Variants in CSMD2 observed in about 807,000 individuals in gnomAD.
CSMD2 encodes the protein CUB and sushi domain-containing protein 2.
A neutral mutation model predicts 398.5 loss-of-function variants in CSMD2; 130 were observed. That is an observed-to-expected ratio of 0.33 (90% confidence interval 0.28 to 0.38). The LOEUF is 0.38. Among genes scored for constraint, CSMD2 ranks in the 10% least tolerant of loss-of-function variants. The pLI, the probability that CSMD2 is intolerant of heterozygous loss-of-function variation, is 1.00. For missense variants in CSMD2, 3,829 were observed against 4,764.9 expected (o/e 0.80, Z 5.78); for synonymous variants, 1,828 against 1,908.5 (o/e 0.96, Z 1.10).
intron 12 of CSMD2, among the ~76,000 whole-genome samples, chr1:33,788,229 C>T (rs921022714): frequency 5.9e-5 from 9 of 151,978 alleles, no homozygotes; most frequent in Non-Finnish European, 8.8e-5. Context: ...ATCCCGTGGC[C>T]GGGCATGGTG....
At chr1:33,797,839 C>T (rs1018055497) in intron 10 of CSMD2, among the ~76,000 whole-genome samples, 1 of 152,166 alleles carries the variant, frequency 6.6e-6, no homozygotes, top group African/African-American at 2.4e-5. Flanking sequence ...ACACGGCTCA[C>T]CCAGCCACCT....
At chr1:33,759,882 C>A (rs1341094343) in intron 13 of CSMD2, among the ~76,000 whole-genome samples, 2 of 152,146 alleles carry the variant, frequency 1.3e-5, no homozygotes, top group Non-Finnish European at 2.9e-5. Context: ...TTGTCCCAAG[C>A]AAATAGGGAT....
chr1:34,074,966 TC>T (rs2148311263), intron 2 of CSMD2, among the ~76,000 whole-genome samples: 1 of 152,310 alleles, frequency 6.6e-6, no homozygotes, highest in East Asian at 1.9e-4. Context: ...GAGGTCAGGT[TC>T]CCCAGTCATA....
At chr1:33,590,328 G>A (rs1275644084) in intron 44 of CSMD2, among the ~76,000 whole-genome samples, 2 of 141,470 alleles carry the variant, frequency 1.4e-5, no homozygotes, top group Non-Finnish European at 3.0e-5. Context: ...TGTAGAGATC[G>A]GGTTTCAAGA....
At chr1:33,955,639 T>C (rs148009187) in intron 3 of CSMD2, among the ~76,000 whole-genome samples, 12 of 152,192 alleles carry the variant, frequency 7.9e-5, no homozygotes, top group African/African-American at 2.4e-4. Context: ...AAAGTACCTA[T>C]ATTGTAGGGT....
At chr1:34,145,213 C>G (rs1449866725) in intron 1 of CSMD2, among the ~76,000 whole-genome samples, 1 of 152,190 alleles carries the variant, frequency 6.6e-6, no homozygotes, top group Non-Finnish European at 1.5e-5. Context: ...ATGCCTTTTC[C>G]CAGGGCCAAA....
chr1:33,772,452 G>C (rs1250894416), intron 13 of CSMD2, 117 bp downstream of exon 13: 4 of 833,894 alleles, frequency 4.8e-6, no homozygotes, highest in Non-Finnish European at 7.7e-6. Flanking sequence ...ACCAACCAGA[G>C]TGCAGCTGTT....
At chr1:33,924,753 C>T (rs1228772989) in intron 4 of CSMD2, among the ~76,000 whole-genome samples, 1 of 152,046 alleles carries the variant, frequency 6.6e-6, no homozygotes, top group Non-Finnish European at 1.5e-5. Flanking sequence ...TAAAATGATA[C>T]CTCACTGTGA....
rs373430468 is a variant in CSMD2 at position 33,864,707 on chromosome 1, G to A, written c.921-17711C>T. 1.9e-6 allele frequency: 3 copies of A among 1,613,186 alleles called. No homozygotes were observed. In the African/African-American group the frequency reaches 4.0e-5, roughly 22 times the overall value. On this transcript the variant is annotated intron_variant, in intron 5 of 70. Transcript: ENST00000373381. ...GTAATGCCAGGAAGAAGTACCGAATGTCAGCTAGAAACCGGTGCAGAGGGA... is the reference window on the plus strand; with the variant it reads ...GTAATGCCAGGAAGAAGTACCGAATATCAGCTAGAAACCGGTGCAGAGGGA...
intron 5 of CSMD2, among the ~76,000 whole-genome samples, chr1:33,856,936 G>A (rs1639139806): frequency 6.6e-6 from 1 of 151,596 alleles, no homozygotes; most frequent in Admixed American, 6.6e-5. Context: ...TCCCTCTAAG[G>A]CCTCAAGACA....
intron 3 of CSMD2, among the ~76,000 whole-genome samples, chr1:33,997,082 ACTGAATCACT>A (rs1646749961): frequency 6.6e-6 from 1 of 152,166 alleles, no homozygotes; most frequent in Non-Finnish European, 1.5e-5. Context: ...CTCAGGCCAC[ACTGAATCACT>A]CTGACACCCA....
intron 9 of CSMD2, among the ~76,000 whole-genome samples, chr1:33,818,060 T>C (rs1373611415): frequency 6.6e-6 from 1 of 152,194 alleles, no homozygotes; most frequent in Non-Finnish European, 1.5e-5. Flanking sequence ...AATCATCATC[T>C]CTTGAGAACT....
At chr1:33,565,301 G>A (rs1384921757) in intron 53 of CSMD2, among the ~76,000 whole-genome samples, 1 of 152,120 alleles carries the variant, frequency 6.6e-6, no homozygotes, top group Admixed American at 6.6e-5. Context: ...CTCCCTCATT[G>A]CTTCTGGAAG....
chr1:34,155,085 T>G (rs1218189479), intron 1 of CSMD2, among the ~76,000 whole-genome samples: 2 of 152,214 alleles, frequency 1.3e-5, no homozygotes, highest in East Asian at 1.9e-4. Context: ...CTTATTGGGA[T>G]TGGGATAGCT....
chr1:33,556,173 A>G (rs1007366339), intron 55 of CSMD2, among the ~76,000 whole-genome samples: 4 of 152,226 alleles, frequency 2.6e-5, no homozygotes, highest in African/African-American at 4.8e-5. Flanking sequence ...TATTATGATA[A>G]AAGCTGCATT....
intron 5 of CSMD2, among the ~76,000 whole-genome samples, chr1:33,899,074 A>G (rs1458799679): frequency 6.6e-6 from 1 of 152,258 alleles, no homozygotes; most frequent in Non-Finnish European, 1.5e-5. Context: ...GCCACAGACC[A>G]GCAACGAGAA....
chr1:34,088,286 G>A (rs2148363517), intron 2 of CSMD2, among the ~76,000 whole-genome samples: 1 of 152,346 alleles, frequency 6.6e-6, no homozygotes, highest in Admixed American at 6.5e-5. Context: ...GACAAGGCTT[G>A]TGACAGACCC....
At chr1:33,616,400 C>T (rs1031284195) in intron 39 of CSMD2, among the ~76,000 whole-genome samples, 3 of 152,074 alleles carry the variant, frequency 2.0e-5, no homozygotes, top group African/African-American at 7.2e-5. Context: ...ACCACATCTG[C>T]CTAATTTTTG....
intron 5 of CSMD2, among the ~76,000 whole-genome samples, chr1:33,911,163 C>A (rs1643424714): frequency 6.6e-6 from 1 of 152,130 alleles, no homozygotes; most frequent in South Asian, 2.1e-4. Flanking sequence ...CCTCTAGCAC[C>A]TAGGAGAGCC....
Sources: allele counts gnomAD v4.1 joint callset (sites outside exome capture counted in the v4.1 genomes callset), GRCh38; gene constraint gnomAD v4.1.1; transcripts MANE v1.5; gene names NCBI Gene and HGNC (gene_info 2026-07-23, HGNC 2026-07-21).